The following PCDHGB3 variants were observed in gnomAD, a reference collection of about 807,000 sequenced individuals.
The protein encoded by PCDHGB3 is protocadherin gamma subfamily B, 3, also known as protocadherin gamma-B3.
PCDHGB3 carries 40 observed loss-of-function variants against 59.2 expected under a neutral mutation model. That is an observed-to-expected ratio of 0.68 (90% CI 0.52 to 0.88). PCDHGB3 has a LOEUF of 0.88. PCDHGB3 is among the 40% of genes least tolerant of loss of function. The pLI is 0.00. For synonymous variants in PCDHGB3, 581 were observed against 503.6 expected (o/e 1.15, Z -2.06); for missense variants, 1,309 against 1,187.9 (o/e 1.10, Z -1.50).
intron 1 of PCDHGB3, among the ~76,000 whole-genome samples, chr5:141,436,749 C>T (rs2097844674): frequency 6.6e-6 from 1 of 152,154 alleles, no homozygotes; most frequent in Admixed American, 6.5e-5. Flanking sequence ...TGTGCTTCTC[C>T]ATATGGTATA....
intron 1 of PCDHGB3, chr5:141,396,409 A>C (rs2093377043): frequency 6.6e-6 from 1 of 152,270 alleles, no homozygotes; most frequent in Non-Finnish European, 1.5e-5. Context: ...ACCTGAGGTC[A>C]GGAGTTCAAG....
At chr5:141,415,165 C>T (rs1410806560) in intron 1 of PCDHGB3, 10 of 1,613,746 alleles carry the variant, frequency 6.2e-6, no homozygotes, top group Non-Finnish European at 8.5e-6. Context: ...CACTGTCACG[C>T]TCACCGTGGC....
intron 1 of PCDHGB3, chr5:141,375,163 A>C (rs1313060581): frequency 1.2e-6 from 2 of 1,613,774 alleles, no homozygotes; most frequent in South Asian, 2.2e-5. Flanking sequence ...CTGAAAGTGC[A>C]CCTCCAGGAA....
chr5:141,497,240 GA>G (rs1221446648), intron 2 of PCDHGB3, among the ~76,000 whole-genome samples: 125 of 152,188 alleles, frequency 8.2e-4, no homozygotes, highest in African/African-American at 3.0e-3. Flanking sequence ...AGGCTTCTAG[GA>G]GGAGGTGACA....
chr5:141,490,882 A>G lies in PCDHGB3; in HGVS notation c.2416-3925A>G, dbSNP rs758716907. ...CGGCTCTCCCCCATTGCATGCCAAC[A>G]CATCTCTGCATGTGTTTGTCCTAGA... On this transcript the variant is annotated intron_variant, in intron 1 of 3. Coordinates refer to ENST00000576222, the MANE Select transcript of PCDHGB3 (RefSeq NM_018924.5). This position sits in a 1 kb window ranked among gnomAD's most constrained non-coding sequence, Gnocchi z 5.4. 6.2e-7 allele frequency: 1 copy of G among 1,613,848 alleles called. No individual in the cohort carries two copies. Among genetic ancestry groups the G allele is most frequent in the Non-Finnish European group, 8.5e-7 (1 of 1,179,920 alleles).
At chr5:141,400,014 C>T (rs2093941558) in intron 1 of PCDHGB3, 1 of 1,612,662 alleles carries the variant, frequency 6.2e-7, no homozygotes, top group Non-Finnish European at 8.5e-7. Flanking sequence ...GTGCCTTGGG[C>T]GACAGGGACG....
At chr5:141,478,042 G>A (rs1358652557) in intron 1 of PCDHGB3, 18 of 1,614,152 alleles carry the variant, frequency 1.1e-5, no homozygotes, top group Non-Finnish European at 1.5e-5. Flanking sequence ...CACCCAGGCA[G>A]ACTCTCACGG....
chr5:141,404,214 C>A, intron 1 of PCDHGB3: 1 of 1,613,562 alleles, frequency 6.2e-7, no homozygotes, highest in Non-Finnish European at 8.5e-7. Flanking sequence ...TATAATATCA[C>A]GGTGACTGCA....
In PCDHGB3 at chr5:141,431,985, T is replaced by A. The variant is rs1354693325; in HGVS notation, c.2415+59176T>A. 1 of 1,614,202 alleles carries A rather than the reference T, an allele frequency of 6.2e-7. No homozygotes were observed. The highest frequency in any genetic ancestry group is 1.7e-5 in the Admixed American group (1 of 60,030). ...TACTATAGTTTAGTCACAGACATAG[T>A]CTTGGATAGGGAACAGGTTCCTAGC... On this transcript the variant is annotated intron_variant, in intron 1 of 3. Coordinates refer to ENST00000576222, the MANE Select transcript of PCDHGB3 (RefSeq NM_018924.5). This position sits in a 1 kb window ranked among gnomAD's most constrained non-coding sequence, Gnocchi z 4.8.
In PCDHGB3 at chr5:141,431,643, A is replaced by G. The variant is rs528599572; in HGVS notation, c.2415+58834A>G. Reference sequence around the variant, plus strand: ...AAGGCGGCCCAAGTTTTCAAACTAGATTGTAATTCAGGGACAATATCAACA... The same window carrying G: ...AAGGCGGCCCAAGTTTTCAAACTAGGTTGTAATTCAGGGACAATATCAACA... On this transcript the variant is annotated intron_variant, in intron 1 of 3. Coordinates refer to ENST00000576222, the MANE Select transcript of PCDHGB3 (RefSeq NM_018924.5). The surrounding 1 kb of genome is among the most constrained non-coding windows in gnomAD (Gnocchi z 4.8). 5.0e-5 allele frequency: 81 copies of G among 1,614,240 alleles called. No individual in the cohort carries two copies. In the South Asian group the frequency reaches 7.4e-4, roughly 15 times the overall value.
rs1385408442 is a variant in PCDHGB3 at position 141,487,321 on chromosome 5, T to A, written c.2416-7486T>A. 1 of 1,614,198 alleles carries A rather than the reference T, an allele frequency of 6.2e-7. No homozygotes were observed. The highest frequency in any genetic ancestry group is 1.7e-5 in the Admixed American group (1 of 60,032). ...TCGTGGCACTACTCTCTAAGTGTCT[T>A]CGTGGGGCAGCCTGTGGAGTCACAT... is the stretch of plus-strand genomic sequence containing the variant. On this transcript the variant is annotated intron_variant, in intron 1 of 3. Transcript: ENST00000576222. This position sits in a 1 kb window ranked among gnomAD's most constrained non-coding sequence, Gnocchi z 5.0.
Position 141,511,040 on chromosome 5 carries a change from C to T in PCDHGB3, c.2657C>T (p.Pro886Leu), listed in dbSNP as rs770767470. The T allele has an allele frequency of 6.2e-7, 1 of 1,614,216 alleles. No individual in the cohort carries two copies. The highest frequency in any genetic ancestry group is 1.7e-5 in the Admixed American group (1 of 60,034). Reference protein sequence around the residue: ...YGPQFTLQHVPDYRQNVYIPG... With the variant: ...YGPQFTLQHVLDYRQNVYIPG... ...CCCCAGTTCACCCTGCAGCACGTGC[C>T]CGACTACCGCCAGAATGTCTACATC... Residue 886 changes from proline (P) to leucine (L), a missense_variant, in exon 4 of 4, where the codon CCC becomes CTC. Physicochemically the swap from Pro to Leu is moderately conservative, Grantham distance 98. Transcript: ENST00000576222.
intron 1 of PCDHGB3, chr5:141,421,800 G>T (rs995129799): frequency 1.2e-6 from 2 of 1,613,728 alleles, no homozygotes. Flanking sequence ...ATGGGGCCAA[G>T]AATCCAGAGC....
At chr5:141,424,068 G>T in intron 1 of PCDHGB3, 1 of 993,858 alleles carries the variant, frequency 1.0e-6, no homozygotes. Flanking sequence ...TCACTGATTT[G>T]TAGTTATATT....
chr5:141,436,700 C>T (rs2097841356), intron 1 of PCDHGB3, among the ~76,000 whole-genome samples: 1 of 152,166 alleles, frequency 6.6e-6, no homozygotes, highest in Non-Finnish European at 1.5e-5. Flanking sequence ...AATGCCAGCA[C>T]ACTCGATGTT....
chr5:141,486,598 C>T lies in PCDHGB3; in HGVS notation c.2416-8209C>T. 2 of 1,613,604 alleles carry T rather than the reference C, an allele frequency of 1.2e-6. No homozygotes were observed. Among genetic ancestry groups the T allele is most frequent in the Non-Finnish European group, 1.7e-6 (2 of 1,179,998 alleles). ...ACAATCGCCCAGGGGACCTGCTTTG[C>T]TCCCTTGCAGCCTCTGACCCAGACT... On this transcript the variant is annotated intron_variant, in intron 1 of 3. Transcript: ENST00000576222. The surrounding 1 kb of genome is among the most constrained non-coding windows in gnomAD (Gnocchi z 5.0).
chr5:141,441,036 A>G (rs2098219746), intron 1 of PCDHGB3: 1 of 152,216 alleles, frequency 6.6e-6, no homozygotes, highest in South Asian at 2.1e-4. Context: ...TGAAAACTTT[A>G]AGTACATTGG....
rs752112707 is a variant in PCDHGB3, at chr5:141,376,279, A to G, written c.2415+3470A>G. 22 of 1,614,054 alleles carry G rather than the reference A, an allele frequency of 1.4e-5. No homozygotes were observed. The Admixed American group carries it at 1.8e-4, about 13-fold the overall frequency. ...TGCTGCAGGCTTCGGGAGGTGGCTT[A>G]GCGAGCATGCCCGGCTCGCACTTTG... is the stretch of plus-strand genomic sequence containing the variant. On this transcript the variant is annotated intron_variant, in intron 1 of 3. Coordinates refer to ENST00000576222, the MANE Select transcript of PCDHGB3 (RefSeq NM_018924.5).
chr5:141,501,030 A>G (rs2099805050), intron 2 of PCDHGB3, among the ~76,000 whole-genome samples: 1 of 151,848 alleles, frequency 6.6e-6, no homozygotes, highest in Admixed American at 6.6e-5. Flanking sequence ...CACCACGCCC[A>G]GCTAATTTTT....
Sources: allele counts gnomAD v4.1 joint callset (sites outside exome capture counted in the v4.1 genomes callset), GRCh38; gene constraint gnomAD v4.1.1; non-coding constraint Gnocchi (gnomAD v3.1); transcripts MANE v1.5; gene names NCBI Gene and HGNC (gene_info 2026-07-23, HGNC 2026-07-21).